The following GPC6 variants were observed in gnomAD, a reference collection of about 807,000 sequenced individuals.
The protein encoded by GPC6 is glypican 6.
A neutral mutation model predicts 55.2 loss-of-function variants in GPC6; 14 were observed. The observed-to-expected ratio is 0.25, with a 90% CI of 0.17 to 0.40. GPC6 has a LOEUF of 0.40. GPC6 is among the 10% of genes least tolerant of loss of function. GPC6 has a pLI of 1.00. For missense variants in GPC6, 641 were observed against 708.5 expected, an observed-to-expected ratio of 0.90 and a Z score of 1.08; for synonymous variants, 278 against 259.6, an observed-to-expected ratio of 1.07 and a Z score of -0.68.
intron 2 of GPC6, among the ~76,000 whole-genome samples, chr13:93,644,021 T>C (rs901849643): frequency 2.7e-4 from 41 of 152,104 alleles, no homozygotes; most frequent in African/African-American, 9.4e-4. Context: ...GAGTGGTAAT[T>C]TATCACTTTA....
chr13:94,005,918 C>G (rs1882000085), intron 3 of GPC6, among the ~76,000 whole-genome samples: 1 of 151,976 alleles, frequency 6.6e-6, no homozygotes, highest in Non-Finnish European at 1.5e-5. Context: ...ATCTTTAATA[C>G]TCTCTGCTTT....
intron 1 of GPC6, among the ~76,000 whole-genome samples, chr13:93,376,078 G>A (rs2139197508): frequency 1.4e-5 from 2 of 145,126 alleles, no homozygotes; most frequent in Middle Eastern, 7.4e-3. Context: ...ATGAGGGAGA[G>A]AGCTTCCTGA....
At chr13:94,069,113 G>A (rs1441143005) in intron 4 of GPC6, among the ~76,000 whole-genome samples, 2 of 152,158 alleles carry the variant, frequency 1.3e-5, no homozygotes, top group Admixed American at 6.5e-5. Context: ...GGGCATCCAG[G>A]TGTTTCCATA....
At chr13:93,285,661 T>G (rs908070801) in intron 1 of GPC6, among the ~76,000 whole-genome samples, 2 of 146,432 alleles carry the variant, frequency 1.4e-5, no homozygotes, top group African/African-American at 5.1e-5. Context: ...TGTGTGTGTG[T>G]GTATGTGTTT....
intron 3 of GPC6, among the ~76,000 whole-genome samples, chr13:93,956,283 C>T (rs1488532758): frequency 6.6e-6 from 1 of 152,074 alleles, no homozygotes; most frequent in Non-Finnish European, 1.5e-5. Flanking sequence ...GTACATAATA[C>T]ATAATACTTA....
chr13:93,764,733 G>A (rs2138882072), intron 2 of GPC6, among the ~76,000 whole-genome samples: 1 of 152,208 alleles, frequency 6.6e-6, no homozygotes, highest in South Asian at 2.1e-4. Context: ...AAGAGCAACA[G>A]AAGGAGAAAA....
intron 1 of GPC6, among the ~76,000 whole-genome samples, chr13:93,287,265 T>C (rs1878164618): frequency 1.3e-5 from 2 of 152,178 alleles, no homozygotes. Flanking sequence ...TTCATAAGAA[T>C]GTCTAGATCA....
rs138945990 is a variant in GPC6 at position 94,001,703 on chromosome 13, C to T, written c.712-26026C>T. Among the ~76,000 whole-genome samples, 64 of 152,096 alleles carry T rather than the reference C, an allele frequency of 4.2e-4. 1 individual carries two copies. The highest frequency in any genetic ancestry group is 7.7e-4 in the East Asian group (4 of 5,170). On this transcript the variant is annotated intron_variant, in intron 3 of 8. Transcript: ENST00000377047. ...GAATTCACAAGTAACATGTTACATA[C>T]GTGAATGAAAATACAGTTGGTTTCA... is the stretch of plus-strand genomic sequence containing the variant.
rs1876880535 is a variant in GPC6, at chr13:93,580,407, A to C, written c.319+34986A>C. ...TATATAACCTACAGATTTGTATTTA[A>C]AAACCTTTTATCACTCTGAAGGAGC... is the stretch of plus-strand genomic sequence containing the variant. On this transcript the variant is annotated intron_variant, in intron 2 of 8. Transcript: ENST00000377047. 1.3e-5 allele frequency among the ~76,000 whole-genome samples: 2 copies of C among 152,184 alleles called. 1 individual carries two copies. Among genetic ancestry groups the C allele is most frequent in the Admixed American group, 1.3e-4 (2 of 15,270 alleles).
intron 2 of GPC6, among the ~76,000 whole-genome samples, chr13:93,704,255 T>A (rs1047490278): frequency 6.6e-6 from 1 of 151,862 alleles, no homozygotes; most frequent in African/African-American, 2.4e-5. Context: ...TACTTACATA[T>A]TAACCAGCTA....
At chr13:93,722,244 T>C (rs1460780524) in intron 2 of GPC6, among the ~76,000 whole-genome samples, 1 of 151,778 alleles carries the variant, frequency 6.6e-6, no homozygotes, top group Non-Finnish European at 1.5e-5. Context: ...GAGGTTCCTT[T>C]TATATATACT....
At position 93,897,651 on chromosome 13, in the gene GPC6, C is replaced by T. The variant is rs183552593; in HGVS notation, c.711+67106C>T. 3.5e-3 allele frequency among the ~76,000 whole-genome samples: 530 copies of T among 152,130 alleles called. 2 individuals carry two copies. Among genetic ancestry groups the T allele is most frequent in the Non-Finnish European group, 6.2e-3 (421 of 67,974 alleles). On this transcript the variant is annotated intron_variant, in intron 3 of 8. Coordinates refer to ENST00000377047, the MANE Select transcript of GPC6 (RefSeq NM_005708.5). Reference sequence around the variant, plus strand: ...CATGTGCCCCAGATATATGACATACCTTCTTAAATGGTGGCACATTCAGCA... The same window carrying T: ...CATGTGCCCCAGATATATGACATACTTTCTTAAATGGTGGCACATTCAGCA...
At chr13:93,895,234 G>GTGTGTGTGTGTATATA (rs1196315147) in intron 3 of GPC6, among the ~76,000 whole-genome samples, 2 of 108,208 alleles carry the variant, frequency 1.8e-5, no homozygotes, top group Admixed American at 9.2e-5. Flanking sequence ...GTGTGTGTGT[G>GTGTGTGTGTGTATATA]TATATATATA....
chr13:93,243,252 T>A (rs1369747722), intron 1 of GPC6, among the ~76,000 whole-genome samples: 2 of 152,216 alleles, frequency 1.3e-5, no homozygotes, highest in Non-Finnish European at 2.9e-5. Context: ...GATTCCTTAA[T>A]TTTTGTGTAT....
Position 93,596,447 on chromosome 13 carries a change from A to T in GPC6, c.319+51026A>T, listed in dbSNP as rs1877732674. On this transcript the variant is annotated intron_variant, in intron 2 of 8. Coordinates refer to ENST00000377047, the MANE Select transcript of GPC6 (RefSeq NM_005708.5). ...CAGCTAGTATTTGGGTTGGTATCAT[A>T]CAGGAGATACACTCTCCGACTATTT... 2.6e-5 allele frequency among the ~76,000 whole-genome samples: 4 copies of T among 152,160 alleles called. No individual in the cohort carries two copies. In the South Asian group the frequency reaches 8.3e-4, roughly 32 times the overall value.
intron 3 of GPC6, among the ~76,000 whole-genome samples, chr13:93,874,816 C>G (rs1290911574): frequency 6.6e-6 from 1 of 151,808 alleles, no homozygotes; most frequent in Non-Finnish European, 1.5e-5. Context: ...TCAGTGGCAT[C>G]CTCTGACATG....
intron 2 of GPC6, among the ~76,000 whole-genome samples, chr13:93,683,625 A>T (rs1212674567): frequency 6.6e-6 from 1 of 152,164 alleles, no homozygotes; most frequent in African/African-American, 2.4e-5. Context: ...TTTTGCCTGA[A>T]GTACAATTTA....
chr13:93,429,778 T>C (rs926584738), intron 1 of GPC6, among the ~76,000 whole-genome samples: 3 of 152,100 alleles, frequency 2.0e-5, no homozygotes, highest in Admixed American at 1.3e-4. Flanking sequence ...ACATGTATTG[T>C]GGACTGAGGG....
At chr13:94,241,418 G>A (rs959464967) in intron 4 of GPC6, among the ~76,000 whole-genome samples, 3 of 152,076 alleles carry the variant, frequency 2.0e-5, no homozygotes, top group Admixed American at 2.0e-4. Context: ...TCTTAAGGAA[G>A]TCCTGCCTCC....
Sources: allele counts gnomAD v4.1 joint callset (sites outside exome capture counted in the v4.1 genomes callset), GRCh38; gene constraint gnomAD v4.1.1; transcripts MANE v1.5; gene names NCBI Gene and HGNC (gene_info 2026-07-23, HGNC 2026-07-21).